Variants in TIPRL observed in about 807,000 individuals in gnomAD.
TIPRL encodes TOR signaling pathway regulator, also known as TIP41-like protein.
Under a neutral mutation model 32.3 loss-of-function variants are expected in TIPRL, and 10 were observed. The observed-to-expected ratio is 0.31, with a 90% CI of 0.19 to 0.52. The LOEUF (loss-of-function observed/expected upper bound fraction) is 0.52, where lower values mean the gene tolerates loss of function less well. TIPRL is among the 20% of genes least tolerant of loss of function. TIPRL has a pLI of 0.96. For missense variants in TIPRL, 250 were observed against 328.1 expected (o/e 0.76, Z 1.84); for synonymous variants, 100 against 114.0 (o/e 0.88, Z 0.78).
intron 5 of TIPRL, among the ~76,000 whole-genome samples, chr1:168,198,462 T>C (rs57053682): frequency 0.016 from 2,402 of 152,188 alleles, 56 homozygotes; most frequent in African/African-American, 0.055. Context: ...TGGTAAGAGC[T>C]TTATGGAATG....
intron 5 of TIPRL, among the ~76,000 whole-genome samples, chr1:168,197,521 T>A (rs1312373328): frequency 6.6e-6 from 1 of 152,170 alleles, no homozygotes; most frequent in Non-Finnish European, 1.5e-5. Flanking sequence ...ATTTTATTTT[T>A]ATTTATTTAT....
At chr1:168,195,240 A>G (rs1700139352) in intron 4 of TIPRL, among the ~76,000 whole-genome samples, 1 of 152,170 alleles carries the variant, frequency 6.6e-6, no homozygotes, top group African/African-American at 2.4e-5. Context: ...AATATATGTT[A>G]TTATTTCATG....
rs1390341339 is a variant in TIPRL, at chr1:168,184,169, CGT to C, written c.284+95_284+96del. On this transcript the variant is annotated intron_variant, in intron 2 of 6. Coordinates refer to ENST00000367833, the MANE Select transcript of TIPRL (RefSeq NM_152902.5). ...CTTGAAAAAATATTCAGTAATGATA[CGT>C]GTGTGTTGTTAGAATGAAGGGCTGG... The C allele has an allele frequency of 5.1e-6, 6 of 1,175,250 alleles. 1 individual carries two copies. Among genetic ancestry groups the C allele is most frequent in the Non-Finnish European group, 7.1e-6 (6 of 839,776 alleles). The allele number at this position is 1,175,250 out of a possible 1,614,324, so 72.8% of individuals were successfully genotyped here. A position where few individuals can be genotyped will look rare whatever the true frequency, so the allele number is the denominator to read the frequency against.
rs1015998088 is a variant in TIPRL at position 168,186,912 on chromosome 1, C to A, written c.384+2034C>A. Among the ~76,000 whole-genome samples, 4 of 152,324 alleles carry A rather than the reference C, an allele frequency of 2.6e-5. No individual in the cohort carries two copies. In the South Asian group the frequency reaches 6.2e-4, roughly 24 times the overall value. ...ATAGTGTTGTGTCTGGGCCCCTTTTCTCTGCAGAAATTTTTAGAGTCTCAT... is the reference window on the plus strand; with the variant it reads ...ATAGTGTTGTGTCTGGGCCCCTTTTATCTGCAGAAATTTTTAGAGTCTCAT... On this transcript the variant is annotated intron_variant, in intron 3 of 6. Transcript: ENST00000367833.
chr1:168,180,992 TG>T (rs1215946929), intron 1 of TIPRL, among the ~76,000 whole-genome samples: 5 of 151,502 alleles, frequency 3.3e-5, no homozygotes, highest in African/African-American at 9.6e-5. Flanking sequence ...TTTTTTATTT[TG>T]TTTTTTTGAG....
intron 1 of TIPRL, 43 bp from the exon 2 acceptor site, chr1:168,183,859 C>T (rs1353486935): frequency 6.3e-7 from 1 of 1,579,350 alleles, no homozygotes; most frequent in Non-Finnish European, 8.7e-7. Context: ...AAAATGCCAA[C>T]AGCGATATAA....
chr1:168,186,546 G>A (rs567086700), intron 3 of TIPRL, among the ~76,000 whole-genome samples: 20 of 152,236 alleles, frequency 1.3e-4, no homozygotes, highest in South Asian at 1.2e-3. Context: ...TAGGTTGAAT[G>A]TCTCTAAATA....
chr1:168,180,560 G>A (rs183227022), intron 1 of TIPRL, among the ~76,000 whole-genome samples: 1 of 152,152 alleles, frequency 6.6e-6, no homozygotes, highest in Non-Finnish European at 1.5e-5. Flanking sequence ...CAGAGGAAAA[G>A]GTCATAAAAT....
rs766201059 is a variant in TIPRL, at chr1:168,179,194, G to C, written c.104+13G>C. ...CGGATGTGGAGAAGTGAGGCTTCGG[G>C]GCACGGGGTCTGGGCGCTGGCCGGT... is the stretch of plus-strand genomic sequence containing the variant. On this transcript the variant is annotated intron_variant, in intron 1 of 6. Transcript: ENST00000367833. The C allele has an allele frequency of 1.9e-6, 3 of 1,613,210 alleles. No homozygotes were observed. The highest frequency in any genetic ancestry group is 1.7e-5 in the Admixed American group (1 of 60,002).
intron 4 of TIPRL, among the ~76,000 whole-genome samples, chr1:168,192,662 G>C (rs967902413): frequency 1.3e-5 from 2 of 152,238 alleles, no homozygotes; most frequent in Admixed American, 6.5e-5. Context: ...ACTTTGGGAG[G>C]CCGAGGCGGG....
chr1:168,196,527 ACC>A lies in TIPRL; in HGVS notation c.517-19_517-18del. ...TTAATTTTTATTAAAATATTAATGTACCTTTTTTTTTTTTTCCAGAGAGTAAT... is the reference window on the plus strand; with the variant it reads ...TTAATTTTTATTAAAATATTAATGTATTTTTTTTTTTTTCCAGAGAGTAAT... On this transcript the variant is annotated intron_variant, in intron 4 of 6. Transcript: ENST00000367833. 7.6e-7 allele frequency: 1 copy of A among 1,316,984 alleles called. No homozygotes were observed. The highest frequency in any genetic ancestry group is 1.0e-6 in the Non-Finnish European group (1 of 991,086). The allele number at this position is 1,316,984 out of a possible 1,614,324, so 81.6% of individuals were successfully genotyped here.
chr1:168,198,567 A>G (rs2102314182), intron 5 of TIPRL, among the ~76,000 whole-genome samples: 1 of 152,336 alleles, frequency 6.6e-6, no homozygotes, highest in Admixed American at 6.5e-5. Flanking sequence ...AGATGTTTCA[A>G]ACTTGAAGTA....
rs57429118 is a variant in TIPRL, at chr1:168,188,557, T to C, written c.385-2812T>C. Among the ~76,000 whole-genome samples, 381 of 152,332 alleles carry C rather than the reference T, an allele frequency of 2.5e-3. 1 individual carries two copies. The highest frequency in any genetic ancestry group is 8.8e-3 in the African/African-American group (365 of 41,568). On this transcript the variant is annotated intron_variant, in intron 3 of 6. Transcript: ENST00000367833. ...GAAATATTTTTCTTTTGATTTTTTTTCTCCAATTATTTAGCCATTATTAGC... is the reference window on the plus strand; with the variant it reads ...GAAATATTTTTCTTTTGATTTTTTTCCTCCAATTATTTAGCCATTATTAGC...
chr1:168,198,889 T>C, intron 5 of TIPRL, 30 bp from the exon 6 acceptor site: 1 of 1,585,256 alleles, frequency 6.3e-7, no homozygotes, highest in South Asian at 1.1e-5. Context: ...TATAATTAAA[T>C]TTATTGCAAC....
At chr1:168,179,766 G>T (rs11801585) in intron 1 of TIPRL, among the ~76,000 whole-genome samples, 57,030 of 151,886 alleles carry the variant, frequency 0.38, 11,746 homozygotes, top group Admixed American at 0.52. Flanking sequence ...CCGTTGCGGG[G>T]GGCGGTGGAT....
At chr1:168,183,243 C>A (rs776816091) in intron 1 of TIPRL, among the ~76,000 whole-genome samples, 7 of 151,988 alleles carry the variant, frequency 4.6e-5, no homozygotes, top group Non-Finnish European at 1.0e-4. Flanking sequence ...ATTTCTTTTT[C>A]ATGATTATAA....
rs1001913117 is a variant in TIPRL, at chr1:168,200,441, C to G, written c.*395C>G. 1 of 159,802 alleles carries G rather than the reference C, an allele frequency of 6.3e-6. No individual in the cohort carries two copies. The highest frequency in any genetic ancestry group is 2.4e-5 in the African/African-American group (1 of 41,510). 9.9% of individuals were successfully genotyped at this position (159,802 alleles called of 1,614,324 possible). Reference sequence around the variant, plus strand: ...TTGTGACTTTCATAGGATTCCTGATCATGCATGTTGATGTACTGGCTCTTC... The same window carrying G: ...TTGTGACTTTCATAGGATTCCTGATGATGCATGTTGATGTACTGGCTCTTC... On this transcript the variant is annotated 3_prime_UTR_variant, in exon 7 of 7. Transcript: ENST00000367833.
intron 5 of TIPRL, among the ~76,000 whole-genome samples, 182 bp from the exon 6 acceptor site, chr1:168,198,737 T>C (rs1266984206): frequency 1.3e-5 from 2 of 152,170 alleles, no homozygotes; most frequent in East Asian, 3.8e-4. Context: ...TGTATAGAAA[T>C]TGGAAATAAT....
At chr1:168,196,123 G>T (rs1451674016) in intron 4 of TIPRL, among the ~76,000 whole-genome samples, 1 of 152,210 alleles carries the variant, frequency 6.6e-6, no homozygotes, top group Non-Finnish European at 1.5e-5. Flanking sequence ...AGCATTCTGT[G>T]TAAGGTCTGT....
Sources: gnomAD v4.1 joint callset for allele counts (sites outside exome capture counted in the v4.1 genomes callset) on GRCh38, gnomAD v4.1.1 for gene constraint, MANE v1.5 for transcripts, NCBI Gene and HGNC (gene_info 2026-07-23, HGNC 2026-07-21) for gene names.